SEPHS1: variants seen among roughly 807,000 people sequenced by gnomAD.
SEPHS1 encodes the protein zincore component SEPHS1.
A neutral mutation model predicts 39.2 loss-of-function variants in SEPHS1; 7 were observed. The observed-to-expected ratio is 0.18, with a 90% CI of 0.10 to 0.34. The LOEUF is 0.34. SEPHS1 is among the 10% of genes least tolerant of loss of function. The pLI, the probability that SEPHS1 is intolerant of heterozygous loss-of-function variation, is 1.00. For missense variants in SEPHS1, 253 were observed against 514.5 expected (o/e 0.49, Z 4.92); for synonymous variants, 190 against 195.5 (o/e 0.97, Z 0.23).
chr10:13,319,468 G>C (rs1165453252), intron 8 of SEPHS1, 112 bp from the exon 9 acceptor site: 2 of 1,058,294 alleles, frequency 1.9e-6, no homozygotes, highest in South Asian at 1.4e-5. Context: ...CCACCTATAT[G>C]CAAGTAGCTC....
intron 2 of SEPHS1, among the ~76,000 whole-genome samples, chr10:13,342,996 A>C (rs1021888816): frequency 6.6e-6 from 1 of 152,050 alleles, no homozygotes; most frequent in Non-Finnish European, 1.5e-5. Context: ...TGACCTCCCA[A>C]AGTGCTGGGA....
Position 13,325,891 on chromosome 10 carries a change from G to A in SEPHS1, c.751+2460C>T, listed in dbSNP as rs543353132. 7.4e-3 allele frequency among the ~76,000 whole-genome samples: 354 copies of A among 48,108 alleles called. 2 individuals are homozygous for A. The highest frequency in any genetic ancestry group is 0.025 in the African/African-American group (318 of 12,660). The allele number at this position is 48,108 out of a possible 152,430, so 31.6% of individuals were successfully genotyped here. A position where few individuals can be genotyped will look rare whatever the true frequency, so the allele number is the denominator to read the frequency against. ...CCAGCCTGGGCGACAGCGAGACTCCGTCTCAAAAAAAAAAAAAAAAAAAAA... is the reference window on the plus strand; with the variant it reads ...CCAGCCTGGGCGACAGCGAGACTCCATCTCAAAAAAAAAAAAAAAAAAAAA... On this transcript the variant is annotated intron_variant, in intron 7 of 8. Coordinates refer to ENST00000327347, the MANE Select transcript of SEPHS1 (RefSeq NM_012247.5).
intron 5 of SEPHS1, among the ~76,000 whole-genome samples, chr10:13,332,791 C>T (rs558663121): frequency 2.7e-5 from 4 of 150,522 alleles, no homozygotes; most frequent in East Asian, 2.0e-4. Flanking sequence ...TGCAGTGAGC[C>T]GAGATCATAC....
At chr10:13,335,864 C>T (rs182267872) in intron 4 of SEPHS1, among the ~76,000 whole-genome samples, 55 of 150,922 alleles carry the variant, frequency 3.6e-4, no homozygotes, top group African/African-American at 1.3e-3. Flanking sequence ...CCTGTAATCC[C>T]AGCTACTTGG....
At chr10:13,329,650 G>A (rs768713790) in intron 6 of SEPHS1, 48 bp downstream of exon 6, 20 of 1,417,764 alleles carry the variant, frequency 1.4e-5, no homozygotes, top group Non-Finnish European at 2.0e-5. Context: ...AAAATTACCT[G>A]CAAACGTACC....
intron 8 of SEPHS1, chr10:13,322,201 G>A: frequency 2.8e-6 from 1 of 352,638 alleles, no homozygotes; most frequent in Non-Finnish European, 5.5e-6. Context: ...GAGTGCAGTG[G>A]CGCAATCTCG....
chr10:13,334,988 C>T (rs936748416), intron 4 of SEPHS1, among the ~76,000 whole-genome samples: 1 of 152,218 alleles, frequency 6.6e-6, no homozygotes, highest in Non-Finnish European at 1.5e-5. Flanking sequence ...GTAACCCACA[C>T]TGACAGAGCC....
At chr10:13,325,190 T>C (rs1449515014) in intron 7 of SEPHS1, among the ~76,000 whole-genome samples, 2 of 152,244 alleles carry the variant, frequency 1.3e-5, no homozygotes, top group Non-Finnish European at 2.9e-5. Flanking sequence ...AATTTTTTAA[T>C]AGATAGTGCT....
intron 5 of SEPHS1, among the ~76,000 whole-genome samples, chr10:13,332,252 TGG>T (rs1564448062): frequency 6.6e-6 from 1 of 152,196 alleles, no homozygotes; most frequent in East Asian, 1.9e-4. Flanking sequence ...CATTCCGCTA[TGG>T]GAGTGAAGCC....
At chr10:13,347,843 T>C (rs1260204797) in intron 1 of SEPHS1, among the ~76,000 whole-genome samples, 157 bp downstream of exon 1, 1 of 133,102 alleles carries the variant, frequency 7.5e-6, no homozygotes, top group Non-Finnish European at 1.6e-5. Flanking sequence ...AGCCCGGCGC[T>C]GCCCCTCTCC....
chr10:13,325,946 CAAA>C lies in SEPHS1; in HGVS notation c.751+2402_751+2404del, dbSNP rs201372928. On this transcript the variant is annotated intron_variant, in intron 7 of 8. Coordinates refer to ENST00000327347, the MANE Select transcript of SEPHS1 (RefSeq NM_012247.5). ...AAAAAAAAAAAAAGAGACTCAGTCTCAAAAAAAAAAAAAAAAAATAATAATAAT... is the reference window on the plus strand; with the variant it reads ...AAAAAAAAAAAAAGAGACTCAGTCTCAAAAAAAAAAAAAAATAATAATAAT... Among the ~76,000 whole-genome samples the C allele has an allele frequency of 1.4e-3, 47 of 34,338 alleles. 1 individual carries two copies. The highest frequency in any genetic ancestry group is 0.012 in the South Asian group (15 of 1,218). 22.5% of individuals were successfully genotyped at this position (34,338 alleles called of 152,430 possible).
chr10:13,337,165 A>G (rs1564450711), intron 3 of SEPHS1, among the ~76,000 whole-genome samples: 1 of 152,192 alleles, frequency 6.6e-6, no homozygotes, highest in Non-Finnish European at 1.5e-5. Context: ...ACAACAAAAA[A>G]AAAACAAAAA....
intron 6 of SEPHS1, among the ~76,000 whole-genome samples, chr10:13,329,201 T>TA (rs1200431952): frequency 6.6e-6 from 1 of 152,158 alleles, no homozygotes; most frequent in African/African-American, 2.4e-5. Flanking sequence ...TCATTATAGA[T>TA]AGATTCATTC....
rs571966974 is a variant in SEPHS1, at chr10:13,337,901, C to T, written c.297+804G>A. Among the ~76,000 whole-genome samples, 7 of 152,312 alleles carry T rather than the reference C, an allele frequency of 4.6e-5. No individual in the cohort carries two copies. The South Asian group carries it at 1.5e-3, about 32-fold the overall frequency. On this transcript the variant is annotated intron_variant, in intron 3 of 8. Transcript: ENST00000327347. ...CTGAGGGTGAACACCCCCCACGTGG[C>T]TGCCTCATGATAAAGTCCCTACAGT...
chr10:13,330,751 C>T (rs551718419), intron 5 of SEPHS1, among the ~76,000 whole-genome samples: 216 of 152,274 alleles, frequency 1.4e-3, no homozygotes, highest in African/African-American at 5.0e-3. Flanking sequence ...ACGCAAGAAA[C>T]TTGTTTTCCA....
intron 5 of SEPHS1, 84 bp from the exon 6 acceptor site, chr10:13,329,872 T>A: frequency 8.7e-7 from 1 of 1,148,862 alleles, no homozygotes; most frequent in Non-Finnish European, 1.3e-6. Flanking sequence ...AGGAATAATC[T>A]GTCAAAAATA....
Position 13,324,955 on chromosome 10 carries a change from C to T in SEPHS1, c.752-1908G>A, listed in dbSNP as rs560274838. Among the ~76,000 whole-genome samples the T allele has an allele frequency of 1.5e-3, 225 of 152,188 alleles. 1 individual carries two copies. Among genetic ancestry groups the T allele is most frequent in the African/African-American group, 5.0e-3 (209 of 41,530 alleles). The stretch of plus-strand genomic sequence containing the variant: ...TCCTTTTATGCTTATTTGCCATCTG[C>T]GTTATCTTCTTTCATGGTGTCTGTC... On this transcript the variant is annotated intron_variant, in intron 7 of 8. Transcript: ENST00000327347.
rs1564444749 is a variant in SEPHS1 at position 13,325,961 on chromosome 10, A to AT, written c.751+2389_751+2390insA. On this transcript the variant is annotated intron_variant, in intron 7 of 8. Coordinates refer to ENST00000327347, the MANE Select transcript of SEPHS1 (RefSeq NM_012247.5). ...GACTCAGTCTCAAAAAAAAAAAAAA[A>AT]AAATAATAATAATAATAATAAATGA... is the stretch of plus-strand genomic sequence containing the variant. Among the ~76,000 whole-genome samples the AT allele has an allele frequency of 1.2e-3, 57 of 45,806 alleles. 2 individuals are homozygous for AT. The highest frequency in any genetic ancestry group is 0.013 in the Middle Eastern group (1 of 78). The allele number at this position is 45,806 out of a possible 152,430, so 30.1% of individuals were successfully genotyped here. A position where few individuals can be genotyped will look rare whatever the true frequency, so the allele number is the denominator to read the frequency against.
intron 3 of SEPHS1, among the ~76,000 whole-genome samples, chr10:13,336,793 A>AAAAATG (rs56857053): frequency 0.41 from 61,670 of 151,594 alleles, 14,139 homozygotes; most frequent in East Asian, 0.69. Flanking sequence ...AACAGATTCT[A>AAAAATG]AAAATGGCTG....
Sources: allele counts gnomAD v4.1 joint callset (sites outside exome capture counted in the v4.1 genomes callset), GRCh38; gene constraint gnomAD v4.1.1; transcripts MANE v1.5; gene names NCBI Gene and HGNC (gene_info 2026-07-23, HGNC 2026-07-21).